The following ST18 variants were observed in gnomAD, a reference collection of about 807,000 sequenced individuals.
The protein encoded by ST18 is suppression of tumorigenicity 18 protein.
ST18 carries 50 observed loss-of-function variants against 110.0 expected under a neutral mutation model. The observed-to-expected ratio is 0.45, with a 90% CI of 0.36 to 0.58. The LOEUF (loss-of-function observed/expected upper bound fraction) is 0.58, where lower values mean the gene tolerates loss of function less well. Among genes scored for constraint, ST18 ranks in the 20% least tolerant of loss-of-function variants. ST18 has a pLI of 0.00. For synonymous variants in ST18, 461 were observed against 452.4 expected (o/e 1.02, Z -0.24); for missense variants, 1,306 against 1,280.1 (o/e 1.02, Z -0.31).
Position 52,214,186 on chromosome 8 carries a change from C to T in ST18, c.55+17G>A. ...GTGTGGTGGGCATAGTGTCATAGAA[C>T]CTGCTTGCTAACTCACCCTCGGTTC... On this transcript the variant is annotated intron_variant, in intron 7 of 25. Coordinates refer to ENST00000689386, the MANE Select transcript of ST18 (RefSeq NM_001352837.2). 1 of 1,613,946 alleles carries T rather than the reference C, an allele frequency of 6.2e-7. No homozygotes were observed. Among genetic ancestry groups the T allele is most frequent in the South Asian group, 1.1e-5 (1 of 91,048 alleles).
At chr8:52,208,209 A>G (rs193296005) in intron 8 of ST18, among the ~76,000 whole-genome samples, 2 of 152,324 alleles carry the variant, frequency 1.3e-5, no homozygotes, top group Non-Finnish European at 2.9e-5. Flanking sequence ...TATTTTCGTA[A>G]GTAGTCGCTC....
At chr8:52,351,051 T>C (rs960290048) in intron 2 of ST18, among the ~76,000 whole-genome samples, 1 of 152,170 alleles carries the variant, frequency 6.6e-6, no homozygotes, top group African/African-American at 2.4e-5. Flanking sequence ...CCAATAAATA[T>C]TAGCGTATTA....
At chr8:52,256,243 G>A (rs1028379213) in intron 2 of ST18, among the ~76,000 whole-genome samples, 1 of 152,216 alleles carries the variant, frequency 6.6e-6, no homozygotes, top group Admixed American at 6.5e-5. Flanking sequence ...GTTCATCAAT[G>A]TTTTGCAATA....
At chr8:52,197,671 A>G (rs746515416) in intron 8 of ST18, among the ~76,000 whole-genome samples, 1 of 152,212 alleles carries the variant, frequency 6.6e-6, no homozygotes, top group Non-Finnish European at 1.5e-5. Flanking sequence ...AAAAAGAAGG[A>G]ACAGTGAGAA....
Position 52,204,225 on chromosome 8 carries a change from G to A in ST18, c.86+7854C>T, listed in dbSNP as rs148167710. 6.1e-3 allele frequency among the ~76,000 whole-genome samples: 934 copies of A among 152,276 alleles called. 7 individuals are homozygous for A. Among genetic ancestry groups the A allele is most frequent in the Non-Finnish European group, 1.0e-2 (677 of 68,028 alleles). ...GCAAACAATGATTAACATTCCCCAA[G>A]AATTCATAGATCAAGAAAATACCAA... On this transcript the variant is annotated intron_variant, in intron 8 of 25. Coordinates refer to ENST00000689386, the MANE Select transcript of ST18 (RefSeq NM_001352837.2).
Position 52,284,889 on chromosome 8 carries a change from T to C in ST18, c.-464-54812A>G, listed in dbSNP as rs2095442860. ...CATCTCAAATATTTTTTGGGAAAAT[T>C]GGTTATCATACCTTTAAGGATTTAT... On this transcript the variant is annotated intron_variant, in intron 2 of 25. Transcript: ENST00000689386. Among the ~76,000 whole-genome samples, 3 of 152,172 alleles carry C rather than the reference T, an allele frequency of 2.0e-5. No homozygotes were observed. The South Asian group carries it at 6.2e-4, about 31-fold the overall frequency.
intron 2 of ST18, among the ~76,000 whole-genome samples, chr8:52,400,814 T>C (rs1458178368): frequency 6.6e-6 from 1 of 152,168 alleles, no homozygotes; most frequent in Non-Finnish European, 1.5e-5. Flanking sequence ...TTTTGACCAT[T>C]TTGATGTTTA....
intron 2 of ST18, among the ~76,000 whole-genome samples, chr8:52,353,793 G>A (rs1821437213): frequency 6.6e-6 from 1 of 152,220 alleles, no homozygotes; most frequent in Non-Finnish European, 1.5e-5. Context: ...GAAATGTTCA[G>A]TGAATGTCAA....
chr8:52,116,837 TGG>T (rs2042732739), intron 24 of ST18, among the ~76,000 whole-genome samples: 1 of 152,126 alleles, frequency 6.6e-6, no homozygotes, highest in South Asian at 2.1e-4. Flanking sequence ...ATATCCAGGA[TGG>T]GACCACTGTC....
chr8:52,266,189 T>A (rs1169999153), intron 2 of ST18, among the ~76,000 whole-genome samples: 3 of 152,222 alleles, frequency 2.0e-5, no homozygotes. Flanking sequence ...GGAAAAATGC[T>A]ATTTTAAGGA....
At chr8:52,269,379 GA>G (rs2094993244) in intron 2 of ST18, among the ~76,000 whole-genome samples, 1 of 152,216 alleles carries the variant, frequency 6.6e-6, no homozygotes, top group Non-Finnish European at 1.5e-5. Context: ...GTAGTTCTGG[GA>G]AACCAGGCTT....
chr8:52,268,511 T>TATC (rs1564373984), intron 2 of ST18, among the ~76,000 whole-genome samples: 6 of 73,866 alleles, frequency 8.1e-5, no homozygotes, highest in South Asian at 3.9e-4. Flanking sequence ...ATCTATCTAT[T>TATC]TATCTATCTA....
At chr8:52,392,023 G>A (rs1264198108) in intron 2 of ST18, among the ~76,000 whole-genome samples, 1 of 152,180 alleles carries the variant, frequency 6.6e-6, no homozygotes, top group Non-Finnish European at 1.5e-5. Flanking sequence ...ATCCATCAAT[G>A]ACTAGCTGTT....
At chr8:52,181,936 C>T (rs763410935) in intron 8 of ST18, among the ~76,000 whole-genome samples, 1 of 152,120 alleles carries the variant, frequency 6.6e-6, no homozygotes, top group African/African-American at 2.4e-5. Context: ...CCTAGAGAAA[C>T]TCTAGGAACC....
At chr8:52,141,645 A>ATGG (rs10657083) in intron 17 of ST18, among the ~76,000 whole-genome samples, 1 of 151,824 alleles carries the variant, frequency 6.6e-6, no homozygotes, top group African/African-American at 2.4e-5. Context: ...CACATAAGTG[A>ATGG]TTGAGAGAAG....
chr8:52,234,848 G>A (rs1006067859), intron 2 of ST18, among the ~76,000 whole-genome samples: 5 of 152,062 alleles, frequency 3.3e-5, no homozygotes, highest in Non-Finnish European at 7.4e-5. Context: ...ATTAGTCTAA[G>A]TGAAGTAACT....
chr8:52,271,725 A>AT (rs1203406718), intron 2 of ST18, among the ~76,000 whole-genome samples: 1 of 152,144 alleles, frequency 6.6e-6, no homozygotes, highest in African/African-American at 2.4e-5. Flanking sequence ...GACAGTAGCT[A>AT]TTTTTTACAC....
intron 2 of ST18, among the ~76,000 whole-genome samples, chr8:52,244,706 G>A (rs183360094): frequency 1.3e-3 from 202 of 152,276 alleles, no homozygotes; most frequent in Non-Finnish European, 2.3e-3. Context: ...AAGTGAAATA[G>A]AGTCCCAAGG....
At chr8:52,356,686 T>G (rs951635366) in intron 2 of ST18, among the ~76,000 whole-genome samples, 2 of 152,034 alleles carry the variant, frequency 1.3e-5, no homozygotes, top group African/African-American at 4.8e-5. Flanking sequence ...ACTTTAAAAT[T>G]TAAATATTTT....
Sources: allele counts gnomAD v4.1 joint callset (sites outside exome capture counted in the v4.1 genomes callset), GRCh38; gene constraint gnomAD v4.1.1; transcripts MANE v1.5; gene names NCBI Gene and HGNC (gene_info 2026-07-23, HGNC 2026-07-21).